PCDHA7: variants seen among roughly 807,000 people sequenced by gnomAD.
PCDHA7 encodes the protein protocadherin alpha-7.
In PCDHA7, 37 loss-of-function variants were observed where a neutral mutation model predicts 57.2. The ratio of observed to expected loss-of-function variants is 0.65; its 90% CI spans 0.50 to 0.85. The LOEUF (loss-of-function observed/expected upper bound fraction) is 0.85, where lower values mean the gene tolerates loss of function less well. Ranked by LOEUF, PCDHA7 falls within the 40% of genes least tolerant of loss-of-function variation. The probability of loss-of-function intolerance (pLI) is 0.00; values close to 1 mark genes in which losing one functional copy is unlikely to be tolerated. For synonymous variants in PCDHA7, 553 were observed against 558.8 expected (o/e 0.99, Z 0.15); for missense variants, 1,188 against 1,241.8 (o/e 0.96, Z 0.65).
At chr5:140,883,018 G>T (rs1400637236) in intron 1 of PCDHA7, 2 of 1,613,968 alleles carry the variant, frequency 1.2e-6, no homozygotes, top group East Asian at 2.2e-5. Flanking sequence ...ATAAAGTGAC[G>T]GTGTTAGAGA....
At chr5:140,982,186 C>G (rs547938149) in intron 2 of PCDHA7, among the ~76,000 whole-genome samples, 34 of 152,372 alleles carry the variant, frequency 2.2e-4, no homozygotes, top group African/African-American at 7.7e-4. Context: ...CTCTGATGGG[C>G]TTCCTGTTAG....
intron 1 of PCDHA7, among the ~76,000 whole-genome samples, chr5:140,970,860 C>T (rs2096438853): frequency 6.6e-6 from 1 of 152,054 alleles, no homozygotes; most frequent in Non-Finnish European, 1.5e-5. Context: ...AAGTTCCATT[C>T]CTGATTGAGA....
At chr5:140,856,393 T>A in intron 1 of PCDHA7, 1 of 1,598,412 alleles carries the variant, frequency 6.3e-7, no homozygotes, top group African/African-American at 1.3e-5. Flanking sequence ...CGCTGCAGGT[T>A]TTCCATGTGG....
At chr5:140,917,324 C>CGGGGGGGG (rs1299895515) in intron 1 of PCDHA7, among the ~76,000 whole-genome samples, 1 of 76,104 alleles carries the variant, frequency 1.3e-5, no homozygotes, top group Non-Finnish European at 2.9e-5. Context: ...GTTCATGTGG[C>CGGGGGGGG]GGGGGAGGGG....
chr5:140,865,785 T>C (rs2049000599), intron 1 of PCDHA7: 1 of 152,188 alleles, frequency 6.6e-6, no homozygotes, highest in South Asian at 2.1e-4. Flanking sequence ...ATGTGTATCT[T>C]TCAGGCTTCA....
intron 1 of PCDHA7, chr5:140,843,297 T>C: frequency 6.3e-7 from 1 of 1,595,944 alleles, no homozygotes; most frequent in Non-Finnish European, 8.6e-7. Context: ...GAACCTGCGC[T>C]GACCGCCACG....
At chr5:140,861,501 C>A in intron 1 of PCDHA7, 1 of 480,612 alleles carries the variant, frequency 2.1e-6, no homozygotes, top group South Asian at 1.6e-5. Flanking sequence ...TCTGATAGAC[C>A]TCGAGGAGCT....
chr5:140,966,355 G>C (rs2095993623), intron 1 of PCDHA7: 1 of 400,198 alleles, frequency 2.5e-6, no homozygotes, highest in Non-Finnish European at 4.4e-6. Context: ...AGGAGATGGG[G>C]CTGGAGAGGC....
intron 1 of PCDHA7, chr5:140,869,061 G>A: frequency 6.4e-7 from 1 of 1,558,266 alleles, no homozygotes; most frequent in South Asian, 1.2e-5. Flanking sequence ...ATCTGGTACT[G>A]TAAGTGTAAA....
chr5:140,948,029 T>A (rs1372869400), intron 1 of PCDHA7, among the ~76,000 whole-genome samples: 1 of 151,594 alleles, frequency 6.6e-6, no homozygotes, highest in African/African-American at 2.4e-5. Flanking sequence ...TCTGGTTTGC[T>A]CAGAGTTTTA....
Position 140,858,482 on chromosome 5 carries a change from A to G in PCDHA7, c.2355+21744A>G, listed in dbSNP as rs369228910. The G allele has an allele frequency of 2.7e-6, 4 of 1,507,654 alleles. 1 individual carries two copies. In the African/African-American group the frequency reaches 5.6e-5, roughly 21 times the overall value. 93.4% of individuals were successfully genotyped at this position (1,507,654 alleles called of 1,614,324 possible). On this transcript the variant is annotated intron_variant, in intron 1 of 3. Transcript: ENST00000525929. Reference sequence around the variant, plus strand: ...TTTCCTTTTGTGCTTTATGAATAATATTTTCTCTTACCGCATTTTCTCAAA... The same window carrying G: ...TTTCCTTTTGTGCTTTATGAATAATGTTTTCTCTTACCGCATTTTCTCAAA...
At chr5:140,958,597 G>A (rs551005076) in intron 1 of PCDHA7, among the ~76,000 whole-genome samples, 60 of 152,170 alleles carry the variant, frequency 3.9e-4, no homozygotes, top group African/African-American at 1.4e-3. Context: ...ATGATAATTG[G>A]ATCAAAGGAA....
At chr5:140,884,295 C>G in intron 1 of PCDHA7, 1 of 1,613,680 alleles carries the variant, frequency 6.2e-7, no homozygotes, top group Non-Finnish European at 8.5e-7. Flanking sequence ...GGCCAAGCGC[C>G]ACAGGCTTCG....
chr5:140,950,028 A>G (rs1288516742), intron 1 of PCDHA7, among the ~76,000 whole-genome samples: 6 of 151,954 alleles, frequency 3.9e-5, no homozygotes, highest in Non-Finnish European at 8.8e-5. Flanking sequence ...TAAAATATAG[A>G]AAAGTTACAA....
chr5:140,860,424 C>T (rs1554153356), intron 1 of PCDHA7: 1 of 152,034 alleles, frequency 6.6e-6, no homozygotes, highest in Non-Finnish European at 1.5e-5. Flanking sequence ...CATTATCCTG[C>T]AAATATGATC....
chr5:140,887,317 C>T lies in PCDHA7; in HGVS notation c.2355+50579C>T, dbSNP rs10066665. ...TTCATCTTGTTAGCCAGGATAGTCT[C>T]GAACTCCTGACCTCGTGATCCACCT... On this transcript the variant is annotated intron_variant, in intron 1 of 3. Transcript: ENST00000525929. Among the ~76,000 whole-genome samples the T allele has an allele frequency of 7.3e-3, 1,116 of 152,162 alleles. 15 individuals carry two copies. The highest frequency in any genetic ancestry group is 0.025 in the African/African-American group (1,043 of 41,520).
Position 140,843,852 on chromosome 5 carries a change from T to A in PCDHA7, c.2355+7114T>A, listed in dbSNP as rs1779120193. 7.3e-6 allele frequency: 7 copies of A among 964,906 alleles called. 1 individual carries two copies. The highest frequency in any genetic ancestry group is 1.1e-5 in the Non-Finnish European group (7 of 652,752). 59.8% of individuals were successfully genotyped at this position (964,906 alleles called of 1,614,324 possible). ...TTGTTTAGTTTTTAGAAACCTTTTA[T>A]AATTAATTGAATTTTCTCAGTGGCA... On this transcript the variant is annotated intron_variant, in intron 1 of 3. Transcript: ENST00000525929.
intron 1 of PCDHA7, among the ~76,000 whole-genome samples, chr5:140,952,079 C>A (rs2094682960): frequency 6.6e-6 from 1 of 152,162 alleles, no homozygotes; most frequent in South Asian, 2.1e-4. Flanking sequence ...TTCATTGACT[C>A]CATGTCTCAC....
At chr5:140,852,576 T>G in intron 1 of PCDHA7, 1 of 821,650 alleles carries the variant, frequency 1.2e-6, no homozygotes, top group Non-Finnish European at 1.5e-6. Flanking sequence ...GTGCCAAGGC[T>G]TTTTTATTTT....
Sources: gnomAD v4.1 joint callset for allele counts (sites outside exome capture counted in the v4.1 genomes callset) on GRCh38, gnomAD v4.1.1 for gene constraint, MANE v1.5 for transcripts, NCBI Gene and HGNC (gene_info 2026-07-23, HGNC 2026-07-21) for gene names.